POFUT3: variants seen among roughly 807,000 people sequenced by gnomAD.
The protein encoded by POFUT3 is protein O-fucosyltransferase 3, also known as GDP-fucose protein O-fucosyltransferase 3.
chr8:33,389,127 A>G, the POFUT3 span: 8,389 of 1,614,196 alleles, frequency 5.2e-3, 39 homozygotes, highest in Non-Finnish European at 6.6e-3. Context: ...CATTCTACAT[A>G]GGCCTCATAC....
the POFUT3 span, among the ~76,000 whole-genome samples, chr8:33,364,362 A>G: frequency 1.3e-5 from 2 of 152,222 alleles, no homozygotes; most frequent in African/African-American, 4.8e-5. Flanking sequence ...AAATGGGCAC[A>G]AGACAAGGAT....
chr8:33,330,527 G>A, the POFUT3 span, among the ~76,000 whole-genome samples: 1 of 152,068 alleles, frequency 6.6e-6, no homozygotes, highest in Non-Finnish European at 1.5e-5. Flanking sequence ...CACATTAGCT[G>A]GAAAAGTGCC....
the POFUT3 span, among the ~76,000 whole-genome samples, chr8:33,425,374 A>G: frequency 2.6e-5 from 4 of 152,236 alleles, no homozygotes; most frequent in Admixed American, 2.6e-4. Flanking sequence ...AATAAATGCT[A>G]TGAGAGCCTA....
At chr8:33,470,236 C>CAAAAAAAAAA in the POFUT3 span, among the ~76,000 whole-genome samples, 55 of 89,064 alleles carry the variant, frequency 6.2e-4, 2 homozygotes, top group African/African-American at 1.8e-3. Context: ...CCCATCTCTA[C>CAAAAAAAAAA]AAAAAAAAAA....
chr8:33,440,484 C>G, the POFUT3 span, among the ~76,000 whole-genome samples: 4 of 152,150 alleles, frequency 2.6e-5, no homozygotes, highest in South Asian at 2.1e-4. Context: ...ATAACCCCCC[C>G]GCACCTAACC....
chr8:33,422,545 CAAAAAAAAAA>C, the POFUT3 span, among the ~76,000 whole-genome samples: 555 of 37,136 alleles, frequency 0.015, 6 homozygotes, highest in Admixed American at 0.036. Context: ...AACTCTGTCT[CAAAAAAAAAA>C]AAAAAAAAAA....
chr8:33,406,720 C>T, the POFUT3 span, among the ~76,000 whole-genome samples: 1 of 152,002 alleles, frequency 6.6e-6, no homozygotes, highest in Admixed American at 6.6e-5. Context: ...TATGCACCAC[C>T]ACATCCAGCT....
the POFUT3 span, among the ~76,000 whole-genome samples, chr8:33,467,272 C>CAA: frequency 0.64 from 46,272 of 72,810 alleles, 15,078 homozygotes; most frequent in Non-Finnish European, 0.66. Flanking sequence ...GACTCTGTCT[C>CAA]AAAAAAAAAA....
At chr8:33,331,334 CAA>C in the POFUT3 span, among the ~76,000 whole-genome samples, 8 of 116,762 alleles carry the variant, frequency 6.9e-5, no homozygotes, top group Non-Finnish European at 5.6e-5. Flanking sequence ...AACTCTGTCT[CAA>C]AAAAAAAAAA....
chr8:33,437,092 T>C, the POFUT3 span, among the ~76,000 whole-genome samples: 4 of 152,180 alleles, frequency 2.6e-5, no homozygotes, highest in Non-Finnish European at 5.9e-5. Context: ...GTGGAGGACA[T>C]GATTTTGCTA....
chr8:33,380,202 C>CTATATA, the POFUT3 span, among the ~76,000 whole-genome samples: 1 of 37,650 alleles, frequency 2.7e-5, no homozygotes, highest in African/African-American at 1.4e-4. Context: ...TATATATATA[C>CTATATA]TATATATATA....
At chr8:33,411,720 G>A in the POFUT3 span, among the ~76,000 whole-genome samples, 1 of 152,154 alleles carries the variant, frequency 6.6e-6, no homozygotes, top group Admixed American at 6.5e-5. Flanking sequence ...CCCGGGAGGT[G>A]GAGGTTGCAG....
the POFUT3 span, among the ~76,000 whole-genome samples, chr8:33,449,051 G>A: frequency 6.6e-6 from 1 of 152,108 alleles, no homozygotes; most frequent in Non-Finnish European, 1.5e-5. Flanking sequence ...TGTCTATCGT[G>A]AACTCTACAC....
the POFUT3 span, chr8:33,461,319 G>A: frequency 6.5e-7 from 1 of 1,545,078 alleles, no homozygotes; most frequent in Non-Finnish European, 8.8e-7. Flanking sequence ...AGGGGGTAGG[G>A]GGACATGGCA....
the POFUT3 span, among the ~76,000 whole-genome samples, chr8:33,424,352 T>C: frequency 3.9e-5 from 6 of 152,166 alleles, no homozygotes; most frequent in African/African-American, 1.4e-4. Context: ...CATCCCTCCC[T>C]ACTTCTTCCC....
chr8:33,371,702 A>C, the POFUT3 span: 1 of 152,250 alleles, frequency 6.6e-6, no homozygotes, highest in Non-Finnish European at 1.5e-5. Context: ...AAATGCCCAC[A>C]AACTGAATGC....
the POFUT3 span, among the ~76,000 whole-genome samples, chr8:33,379,111 C>A: frequency 6.6e-6 from 1 of 151,944 alleles, no homozygotes; most frequent in African/African-American, 2.4e-5. Flanking sequence ...CCTGCTTTGT[C>A]GTGGTAAGAT....
At chr8:33,341,185 C>T in the POFUT3 span, among the ~76,000 whole-genome samples, 1 of 152,016 alleles carries the variant, frequency 6.6e-6, no homozygotes, top group Non-Finnish European at 1.5e-5. Context: ...CCTGTAATCC[C>T]AGCACTTTGG....
chr8:33,469,478 G>A, the POFUT3 span, among the ~76,000 whole-genome samples: 1 of 151,990 alleles, frequency 6.6e-6, no homozygotes, highest in Non-Finnish European at 1.5e-5. Flanking sequence ...AATTTCAGGA[G>A]AGACCAGTAG....
Sources: gnomAD v4.1 joint callset for allele counts (sites outside exome capture counted in the v4.1 genomes callset) on GRCh38, gnomAD v4.1.1 for gene constraint, MANE v1.5 for transcripts, NCBI Gene and HGNC (gene_info 2026-07-23, HGNC 2026-07-21) for gene names.